SNRNP40: variants seen among roughly 807,000 people sequenced by gnomAD.
SNRNP40 encodes the protein small nuclear ribonucleoprotein U5 subunit 40, also known as U5 small nuclear ribonucleoprotein 40 kDa protein.
Under a neutral mutation model 45.8 loss-of-function variants are expected in SNRNP40, and 21 were observed. The observed-to-expected ratio is 0.46, with a 90% CI of 0.32 to 0.66. The LOEUF (loss-of-function observed/expected upper bound fraction) is 0.66. Ranked by LOEUF, SNRNP40 falls within the 30% of genes least tolerant of loss-of-function variation. SNRNP40 has a pLI of 0.03. For synonymous variants in SNRNP40, 142 were observed against 163.8 expected (o/e 0.87, Z 1.01); for missense variants, 344 against 439.1 (o/e 0.78, Z 1.94).
At chr1:31,264,240 T>TA (rs1380828460) in intron 8 of SNRNP40, among the ~76,000 whole-genome samples, 1 of 152,214 alleles carries the variant, frequency 6.6e-6, no homozygotes, top group Non-Finnish European at 1.5e-5. Flanking sequence ...TGTCATCAGC[T>TA]AGGCTCCATA....
chr1:31,280,353 G>A (rs893505829), intron 5 of SNRNP40, among the ~76,000 whole-genome samples: 23 of 151,602 alleles, frequency 1.5e-4, no homozygotes, highest in Admixed American at 5.3e-4. Flanking sequence ...CAGTAGAGAC[G>A]AGGTTTCACC....
chr1:31,261,568 A>T lies in SNRNP40; in HGVS notation c.985T>A (p.Ser329Thr). ...GGGTGGAAAGCCACTTCATTGATGG[A>T]GCCAGCATGGCCGGGCAGCTTATAC... is the stretch of plus-strand genomic sequence containing the variant. ...ILYKLPGHAG[S>T]INEVAFHPDE... The change falls in exon 9 of 10, where the codon TCC becomes ACC. Residue 329 changes from serine (S) to threonine (T), a missense_variant. Coordinates refer to ENST00000263694, the MANE Select transcript of SNRNP40 (RefSeq NM_004814.3). 2 of 1,614,060 alleles carry T rather than the reference A, an allele frequency of 1.2e-6. No individual in the cohort carries two copies.
intron 8 of SNRNP40, chr1:31,263,823 C>G (rs375358138): frequency 5.1e-6 from 1 of 195,114 alleles, no homozygotes; most frequent in East Asian, 1.8e-4. Flanking sequence ...CTTCAGTAGC[C>G]ACAGAAACTA....
intron 4 of SNRNP40, among the ~76,000 whole-genome samples, chr1:31,287,659 A>G (rs539886333): frequency 4.6e-5 from 7 of 152,094 alleles, no homozygotes; most frequent in Non-Finnish European, 8.8e-5. Context: ...CTCCCATCCA[A>G]CCATCAAGGG....
chr1:31,296,649 C>T lies in SNRNP40; in HGVS notation c.103G>A (p.Gly35Arg), dbSNP rs1481779280. The T allele has an allele frequency of 3.1e-6, 5 of 1,613,182 alleles. No homozygotes were observed. Among genetic ancestry groups the T allele is most frequent in the Admixed American group, 1.7e-5 (1 of 59,788 alleles). Reference sequence around the variant, plus strand: ...GCTCCCGGCGTCGCCTGCTGCTGCCCGGCTCCTGGGCCAGACCCCGCTCCC... The same window carrying T: ...GCTCCCGGCGTCGCCTGCTGCTGCCTGGCTCCTGGGCCAGACCCCGCTCCC... ...LLGAGSGPGA[G>R]QQQATPGALL... The change falls in exon 1 of 10, where the codon GGG (glycine) becomes AGG (arginine). Residue 35 changes from glycine (G) to arginine (R), a missense_variant. Coordinates refer to ENST00000263694, the MANE Select transcript of SNRNP40 (RefSeq NM_004814.3).
rs1178355037 is a variant in SNRNP40, at chr1:31,292,036, A to C, written c.272-30T>G. Reference sequence around the variant, plus strand: ...TAGGGAGATGGGTTCTGTGAGCATTACTAGGCAAAGGGTACTTATAAATTT... The same window carrying C: ...TAGGGAGATGGGTTCTGTGAGCATTCCTAGGCAAAGGGTACTTATAAATTT... On this transcript the variant is annotated intron_variant, in intron 2 of 9. Coordinates refer to ENST00000263694, the MANE Select transcript of SNRNP40 (RefSeq NM_004814.3). 2.2e-6 allele frequency: 3 copies of C among 1,391,612 alleles called. No homozygotes were observed. The African/African-American group carries it at 4.2e-5, about 20-fold the overall frequency. 86.2% of individuals were successfully genotyped at this position (1,391,612 alleles called of 1,614,324 possible). A position where few individuals can be genotyped will look rare whatever the true frequency, so the allele number is the denominator to read the frequency against.
intron 4 of SNRNP40, among the ~76,000 whole-genome samples, chr1:31,284,101 T>C (rs1215378009): frequency 1.3e-5 from 2 of 152,126 alleles, no homozygotes; most frequent in Non-Finnish European, 1.5e-5. Context: ...TATATGCCTA[T>C]AGTCCCAGCT....
chr1:31,290,624 T>A (rs1646098019), intron 3 of SNRNP40, among the ~76,000 whole-genome samples: 1 of 152,122 alleles, frequency 6.6e-6, no homozygotes, highest in African/African-American at 2.4e-5. Context: ...ACACTTGTAA[T>A]CCCAGCATTT....
intron 8 of SNRNP40, among the ~76,000 whole-genome samples, chr1:31,267,010 C>A (rs140827001): frequency 4.7e-4 from 71 of 152,128 alleles, no homozygotes; most frequent in African/African-American, 1.6e-3. Flanking sequence ...GGGATTACAG[C>A]ACAAAGAACA....
At position 31,289,424 on chromosome 1, in the gene SNRNP40, A is replaced by G; in HGVS notation, c.366-5T>C. ...GTGGATGCTGAGAAAAGCATACTAG[A>G]AAGTAAGAGAAAGAATAAAAAAGAA... On this transcript the variant is annotated splice_polypyrimidine_tract_variant and splice_region_variant and intron_variant, in intron 3 of 9. Coordinates refer to ENST00000263694, the MANE Select transcript of SNRNP40 (RefSeq NM_004814.3). 1.2e-6 allele frequency: 2 copies of G among 1,605,992 alleles called. No individual in the cohort carries two copies. Among genetic ancestry groups the G allele is most frequent in the African/African-American group, 1.3e-5 (1 of 74,788 alleles).
rs571199088 is a variant in SNRNP40, at chr1:31,290,020, C to T, written c.366-601G>A. ...GACCACAGGTCTGTGCCACCATGCT[C>T]AGTTAATTTTTAAAAATCATTTGTA... is the stretch of plus-strand genomic sequence containing the variant. On this transcript the variant is annotated intron_variant, in intron 3 of 9. Coordinates refer to ENST00000263694, the MANE Select transcript of SNRNP40 (RefSeq NM_004814.3). 3.9e-5 allele frequency among the ~76,000 whole-genome samples: 6 copies of T among 152,246 alleles called. No homozygotes were observed. In the East Asian group the frequency reaches 1.2e-3, roughly 29 times the overall value.
chr1:31,264,704 C>T (rs542798846), intron 8 of SNRNP40, among the ~76,000 whole-genome samples: 2 of 152,168 alleles, frequency 1.3e-5, no homozygotes, highest in Admixed American at 1.3e-4. Flanking sequence ...CACTCTTGGC[C>T]GAGAGACTGG....
Position 31,261,521 on chromosome 1 carries a change from A to G in SNRNP40, c.1024+8T>C. 6.3e-7 allele frequency: 1 copy of G among 1,591,518 alleles called. No individual in the cohort carries two copies. The highest frequency in any genetic ancestry group is 1.1e-5 in the South Asian group (1 of 90,600). ...GTTTCCCTTTCCCCCTCGTTGGGAC[A>G]GACTTACTGATGGGCTCATCAGGGT... On this transcript the variant is annotated splice_region_variant and intron_variant, in intron 9 of 9. Coordinates refer to ENST00000263694, the MANE Select transcript of SNRNP40 (RefSeq NM_004814.3).
intron 2 of SNRNP40, 51 bp from the exon 3 acceptor site, chr1:31,292,057 A>G (rs1305774994): frequency 5.7e-6 from 7 of 1,235,984 alleles, no homozygotes; most frequent in Non-Finnish European, 8.4e-6. Flanking sequence ...GGTACTTATA[A>G]ATTTATCAGA....
intron 8 of SNRNP40, among the ~76,000 whole-genome samples, chr1:31,262,543 AAGAGG>A (rs1557672152): frequency 1.7e-4 from 9 of 54,266 alleles, no homozygotes; most frequent in Non-Finnish European, 2.5e-4. Flanking sequence ...AAAAAAAAAA[AAGAGG>A]AGAAAAAAGA....
At chr1:31,296,151 T>C (rs577825505) in intron 1 of SNRNP40, among the ~76,000 whole-genome samples, 3 of 152,332 alleles carry the variant, frequency 2.0e-5, no homozygotes, top group African/African-American at 4.8e-5. Flanking sequence ...CAATGAATGT[T>C]AGCTGCTATT....
chr1:31,270,880 A>G (rs907807486), intron 6 of SNRNP40, among the ~76,000 whole-genome samples: 3 of 152,308 alleles, frequency 2.0e-5, no homozygotes, highest in Admixed American at 1.3e-4. Context: ...CTCAAAAACA[A>G]GTAAAGAGAA....
intron 9 of SNRNP40, among the ~76,000 whole-genome samples, chr1:31,260,492 T>A (rs1423329491): frequency 6.6e-6 from 1 of 152,108 alleles, no homozygotes; most frequent in East Asian, 1.9e-4. Context: ...CAGTTTCTCC[T>A]TTAATTCAAG....
intron 5 of SNRNP40, among the ~76,000 whole-genome samples, chr1:31,274,645 T>TAA (rs368995037): frequency 0.48 from 53,972 of 111,546 alleles, 13,933 homozygotes; most frequent in Non-Finnish European, 0.6. Flanking sequence ...ACCATTACAT[T>TAA]AAAAAAAAAA....
Sources: gnomAD v4.1 joint callset for allele counts (sites outside exome capture counted in the v4.1 genomes callset) on GRCh38, gnomAD v4.1.1 for gene constraint, MANE v1.5 for transcripts, NCBI Gene and HGNC (gene_info 2026-07-23, HGNC 2026-07-21) for gene names.